The following SPTB variants were observed in gnomAD, a reference collection of about 807,000 sequenced individuals.
The protein encoded by SPTB is spectrin beta chain, erythrocytic.
In SPTB, 45 loss-of-function variants were observed where a neutral mutation model predicts 256.2. That is an observed-to-expected ratio of 0.18 (90% CI 0.14 to 0.23). SPTB has a LOEUF of 0.23. Ranked by LOEUF, SPTB falls within the 10% of genes least tolerant of loss-of-function variation. SPTB has a pLI of 1.00. For synonymous variants in SPTB, 1,231 were observed against 1,243.1 expected (o/e 0.99, Z 0.21); for missense variants, 2,715 against 3,040.4 (o/e 0.89, Z 2.52).
At chr14:64,768,557 T>A (rs1465418975) in intron 29 of SPTB, among the ~76,000 whole-genome samples, 3 of 152,038 alleles carry the variant, frequency 2.0e-5, no homozygotes, top group Non-Finnish European at 2.9e-5. Context: ...CCACCTCTCA[T>A]CAGCACCCAG....
chr14:64,808,299 A>G (rs1193654854), intron 2 of SPTB, among the ~76,000 whole-genome samples: 2 of 152,170 alleles, frequency 1.3e-5, no homozygotes, highest in East Asian at 3.9e-4. Context: ...GGCATGAGCC[A>G]CCGTGCATGG....
chr14:64,812,025 A>G (rs772168421), intron 2 of SPTB, among the ~76,000 whole-genome samples: 4 of 152,210 alleles, frequency 2.6e-5, no homozygotes, highest in Admixed American at 6.5e-5. Flanking sequence ...AAATCATTGC[A>G]TTTTTAAATT....
intron 20 of SPTB, among the ~76,000 whole-genome samples, chr14:64,780,489 C>T (rs1309965688): frequency 6.6e-6 from 1 of 152,320 alleles, no homozygotes; most frequent in East Asian, 1.9e-4. Flanking sequence ...TCTTGGCTCA[C>T]TGCAACCTCC....
chr14:64,878,985 G>T (rs1482174310), intron 1 of SPTB, among the ~76,000 whole-genome samples: 1 of 152,232 alleles, frequency 6.6e-6, no homozygotes, highest in East Asian at 1.9e-4. Context: ...CCCAGCCTGG[G>T]AAGTACGGAT....
At chr14:64,763,852 A>C (rs757525689) in intron 32 of SPTB, 2 of 519,004 alleles carry the variant, frequency 3.9e-6, no homozygotes. Context: ...GATGTGCTTG[A>C]GAAAGAGGCT....
chr14:64,765,479 C>T (rs2082156384), intron 32 of SPTB, among the ~76,000 whole-genome samples: 1 of 152,188 alleles, frequency 6.6e-6, no homozygotes, highest in Non-Finnish European at 1.5e-5. Flanking sequence ...ATGCCCTAGG[C>T]CTCTGGCAGC....
Position 64,852,932 on chromosome 14 carries a change from A to G in SPTB, c.-52+26860T>C, listed in dbSNP as rs1343045637. On this transcript the variant is annotated intron_variant, in intron 1 of 35. Coordinates refer to ENST00000644917, the MANE Select transcript of SPTB (RefSeq NM_001355436.2). This position sits in a 1 kb window ranked among gnomAD's most constrained non-coding sequence, Gnocchi z 4.2. ...GAATTATTACAAATAATTATAATTT[A>G]CACATTGCAGAGTGCTGCCGAGGAG... Among the ~76,000 whole-genome samples, 1 of 152,202 alleles carries G rather than the reference A, an allele frequency of 6.6e-6. No homozygotes were observed. Among genetic ancestry groups the G allele is most frequent in the East Asian group, 1.9e-4 (1 of 5,204 alleles).
rs2082401179 is a variant in SPTB at position 64,778,516 on chromosome 14, G to C, written c.4563+641C>G. On this transcript the variant is annotated intron_variant, in intron 22 of 35. Transcript: ENST00000644917. The surrounding 1 kb of genome is among the most constrained non-coding windows in gnomAD (Gnocchi z 5.2). ...TTACATGATTCAGGCTCCCACTGCAGCCCTGACCCAAGAGGGAGTGCTTGG... is the reference window on the plus strand; with the variant it reads ...TTACATGATTCAGGCTCCCACTGCACCCCTGACCCAAGAGGGAGTGCTTGG... Among the ~76,000 whole-genome samples the C allele has an allele frequency of 6.6e-6, 1 of 152,164 alleles. No homozygotes were observed. The highest frequency in any genetic ancestry group is 2.4e-5 in the African/African-American group (1 of 41,424).
chr14:64,835,101 C>T (rs550368854), intron 1 of SPTB, among the ~76,000 whole-genome samples: 21 of 152,290 alleles, frequency 1.4e-4, no homozygotes, highest in Non-Finnish European at 1.2e-4. Context: ...CCTGAGGGAA[C>T]AGGTGCTGGC....
chr14:64,749,217 G>C lies in SPTB; in HGVS notation c.*89C>G. 6.8e-7 allele frequency: 1 copy of C among 1,473,400 alleles called. No individual in the cohort carries two copies. The highest frequency in any genetic ancestry group is 1.2e-5 in the South Asian group (1 of 82,188). The allele number at this position is 1,473,400 out of a possible 1,614,324, so 91.3% of individuals were successfully genotyped here. A position where few individuals can be genotyped will look rare whatever the true frequency, so the allele number is the denominator to read the frequency against. On this transcript the variant is annotated 3_prime_UTR_variant, in exon 36 of 36. Coordinates refer to ENST00000644917, the MANE Select transcript of SPTB (RefSeq NM_001355436.2). This position sits in a 1 kb window ranked among gnomAD's most constrained non-coding sequence, Gnocchi z 4.7. ...CCCGCGACTCGACTCATCTCGATTC[G>C]ACCGGCGGGCGGCGGCGAGAGGAGG... is the stretch of plus-strand genomic sequence containing the variant.
chr14:64,749,378 G>A lies in SPTB; in HGVS notation c.6915C>T (p.Leu2305=), dbSNP rs1387313899. The A allele has an allele frequency of 1.9e-6, 3 of 1,610,194 alleles. No homozygotes were observed. Among genetic ancestry groups the A allele is most frequent in the Non-Finnish European group, 2.5e-6 (3 of 1,179,786 alleles). ...TGCCGAGGCTGGCGTCGGGGCCGGA[G>A]AGGGAAGGCAGGGGCAGGCTCTGCG... ...VKAQSLPLPS[L]SGPDASLGKK... The change falls in exon 36 of 36, where the codon CTC becomes CTT. Residue 2305 remains leucine, a synonymous_variant. Transcript: ENST00000644917. The surrounding 1 kb of genome is among the most constrained non-coding windows in gnomAD (Gnocchi z 4.7).
At chr14:64,831,651 G>T (rs1594823996) in intron 1 of SPTB, among the ~76,000 whole-genome samples, 1 of 152,212 alleles carries the variant, frequency 6.6e-6, no homozygotes, top group East Asian at 1.9e-4. Flanking sequence ...GGCTAAGTGT[G>T]GCTCTGCTCA....
chr14:64,766,179 T>TG (rs2082177610), intron 32 of SPTB, among the ~76,000 whole-genome samples: 1 of 147,726 alleles, frequency 6.8e-6, no homozygotes, highest in Admixed American at 6.8e-5. Context: ...TGTATGTGTG[T>TG]GTGTATGTGT....
At position 64,752,605 on chromosome 14, in the gene SPTB, T is replaced by C. The variant is rs1594737737; in HGVS notation, c.6602+932A>G. ...TGTCACAGGATTGTTGGGAAGATTT[T>C]ATCAGTCCTAATATAATGCCTGGCA... On this transcript the variant is annotated intron_variant, in intron 33 of 35. Transcript: ENST00000644917. Among the ~76,000 whole-genome samples the C allele has an allele frequency of 2.0e-5, 3 of 152,244 alleles. No homozygotes were observed. The East Asian group carries it at 5.8e-4, about 29-fold the overall frequency.
intron 33 of SPTB, 54 bp from the exon 34 acceptor site, chr14:64,750,208 G>A: frequency 1.3e-6 from 2 of 1,571,174 alleles, no homozygotes; most frequent in South Asian, 1.2e-5. Context: ...TATCTCTAGA[G>A]TCAATTCCTA....
Position 64,767,315 on chromosome 14 carries a change from G to A in SPTB, c.6257C>T (p.Ala2086Val). Residue 2086 changes from alanine (A) to valine (V), a missense_variant, in exon 31 of 36, where the codon GCA (alanine) becomes GTA (valine). Ala to Val is a moderately conservative substitution (Grantham distance 64, BLOSUM62 0). Transcript: ENST00000644917. ...LKERQIAERP[A>V]EETGPQEEEG... ...GGCCACCACTCACCCAGTCTCCTCT[G>A]CGGGTCTCTCTGCAATCTGGCGTTC... 6.2e-7 allele frequency: 1 copy of A among 1,614,062 alleles called. No homozygotes were observed. The highest frequency in any genetic ancestry group is 8.5e-7 in the Non-Finnish European group (1 of 1,180,024).
chr14:64,764,688 C>G lies in SPTB; in HGVS notation c.6345+2038G>C, dbSNP rs932102546. ...TCGCTCTGGTGCTCACAGAGGAGCC[C>G]GCACACCAGGACACCGCCACATGCA... On this transcript the variant is annotated intron_variant, in intron 32 of 35. Transcript: ENST00000644917. The surrounding 1 kb of genome is among the most constrained non-coding windows in gnomAD (Gnocchi z 4.2). Among the ~76,000 whole-genome samples the G allele has an allele frequency of 2.3e-4, 35 of 152,148 alleles. No individual in the cohort carries two copies. The highest frequency in any genetic ancestry group is 8.2e-4 in the African/African-American group (34 of 41,432).
intron 32 of SPTB, among the ~76,000 whole-genome samples, chr14:64,766,214 G>A (rs7140784): frequency 0.095 from 13,715 of 143,780 alleles, 654 homozygotes; most frequent in Non-Finnish European, 0.11. Context: ...TTGTGCGTGA[G>A]GTGTCTGTAT....
rs183546098 is a variant in SPTB, at chr14:64,872,989, T to C, written c.-52+6803A>G. Among the ~76,000 whole-genome samples the C allele has an allele frequency of 6.7e-3, 1,016 of 152,318 alleles. 7 individuals are homozygous for C. Among genetic ancestry groups the C allele is most frequent in the Non-Finnish European group, 0.012 (811 of 68,024 alleles). Reference sequence around the variant, plus strand: ...TTTATAAATTACTCAGTCTCTGGTATGTCTTTATTAGGAGTGTGAGAACAG... The same window carrying C: ...TTTATAAATTACTCAGTCTCTGGTACGTCTTTATTAGGAGTGTGAGAACAG... On this transcript the variant is annotated intron_variant, in intron 1 of 35. Transcript: ENST00000644917.
Sources: allele counts gnomAD v4.1 joint callset (sites outside exome capture counted in the v4.1 genomes callset), GRCh38; gene constraint gnomAD v4.1.1; non-coding constraint Gnocchi (gnomAD v3.1); transcripts MANE v1.5; gene names NCBI Gene and HGNC (gene_info 2026-07-23, HGNC 2026-07-21).